Variants in TFEC observed in about 807,000 individuals in gnomAD.
TFEC encodes class E basic helix-loop-helix protein 34.
A neutral mutation model predicts 41.6 loss-of-function variants in TFEC; 31 were observed. The ratio of observed to expected loss-of-function variants is 0.74; its 90% CI spans 0.56 to 1.01. TFEC has a LOEUF of 1.01. Ranked by LOEUF, TFEC falls within the 50% of genes least tolerant of loss-of-function variation. The pLI, the probability that TFEC is intolerant of heterozygous loss-of-function variation, is 0.00. For missense variants in TFEC, 402 were observed against 404.1 expected (o/e 0.99, Z 0.04); for synonymous variants, 143 against 140.6 (o/e 1.02, Z -0.12).
intron 3 of TFEC, among the ~76,000 whole-genome samples, chr7:115,970,745 T>A (rs1793096634): frequency 6.6e-6 from 1 of 151,888 alleles, no homozygotes; most frequent in African/African-American, 2.4e-5. Context: ...TAAAAGAGCA[T>A]GGCAACTTCT....
intron 3 of TFEC, among the ~76,000 whole-genome samples, chr7:116,065,760 A>C (rs1179051939): frequency 3.9e-5 from 6 of 152,180 alleles, no homozygotes; most frequent in Admixed American, 3.3e-4. Flanking sequence ...AGAAGAATTT[A>C]TATCAAATAT....
chr7:115,988,164 A>C (rs2130699299), intron 1 of TFEC, among the ~76,000 whole-genome samples: 1 of 152,286 alleles, frequency 6.6e-6, no homozygotes. Context: ...CATCCTGCCT[A>C]TCAAAAAAAA....
chr7:116,137,783 A>G (rs1205725447), intron 1 of TFEC, among the ~76,000 whole-genome samples: 1 of 152,168 alleles, frequency 6.6e-6, no homozygotes, highest in Non-Finnish European at 1.5e-5. Flanking sequence ...AATTTATAAA[A>G]TTTGAACTAA....
intron 1 of TFEC, among the ~76,000 whole-genome samples, chr7:116,017,986 A>C (rs1241201252): frequency 1.2e-5 from 1 of 83,300 alleles, no homozygotes; most frequent in African/African-American, 3.9e-5. Context: ...GTGTTGGGCA[A>C]ATATTAGGTT....
intron 1 of TFEC, among the ~76,000 whole-genome samples, chr7:116,153,232 T>C (rs1407286053): frequency 3.3e-5 from 5 of 150,580 alleles, no homozygotes; most frequent in Non-Finnish European, 7.4e-5. Context: ...GGTGGCGATG[T>C]TGTGGGTGTT....
In TFEC at chr7:116,128,851, G is replaced by A. The variant is rs867275884; in HGVS notation, c.-68-16813C>T. ...GTACTTGAAGGTAAAGAAAAAAATA[G>A]AACAAATAGGGATTTTTAGAAAGTC... On this transcript the variant is annotated intron_variant, in intron 1 of 8. Coordinates refer to the TFEC transcript ENST00000484212. Among the ~76,000 whole-genome samples, 15 of 152,184 alleles carry A rather than the reference G, an allele frequency of 9.9e-5. 1 individual carries two copies. The highest frequency in any genetic ancestry group is 6.8e-3 in the Middle Eastern group (2 of 294).
intron 3 of TFEC, among the ~76,000 whole-genome samples, chr7:115,959,968 T>C (rs950601665): frequency 6.6e-6 from 1 of 151,476 alleles, no homozygotes; most frequent in Non-Finnish European, 1.5e-5. Context: ...TTTTAAGAAT[T>C]AATAGTAATC....
intron 3 of TFEC, among the ~76,000 whole-genome samples, chr7:116,070,366 AT>A (rs1418065719): frequency 3.3e-5 from 5 of 151,496 alleles, no homozygotes; most frequent in East Asian, 1.9e-4. Flanking sequence ...ATACCAAAAA[AT>A]GTCCCAAAAT....
chr7:116,001,022 T>A (rs1794573521), intron 1 of TFEC, among the ~76,000 whole-genome samples: 1 of 149,598 alleles, frequency 6.7e-6, no homozygotes. Flanking sequence ...AGAGCAAAAA[T>A]AACATACTGG....
chr7:115,954,504 T>C (rs559894080), intron 5 of TFEC, 82 bp downstream of exon 5: 109 of 1,127,822 alleles, frequency 9.7e-5, no homozygotes, highest in African/African-American at 3.5e-4. Flanking sequence ...AAAATACTTA[T>C]GGAGTATAAT....
chr7:115,962,040 A>G (rs549235424), intron 3 of TFEC, among the ~76,000 whole-genome samples: 4 of 151,854 alleles, frequency 2.6e-5, no homozygotes, highest in Admixed American at 6.6e-5. Context: ...TTGCATTTCT[A>G]CACATGAACC....
intron 3 of TFEC, among the ~76,000 whole-genome samples, chr7:116,060,902 G>A (rs1428766906): frequency 6.6e-6 from 1 of 151,910 alleles, no homozygotes; most frequent in Non-Finnish European, 1.5e-5. Context: ...TCAAGAATAA[G>A]TGTGACAAAA....
At chr7:116,127,496 C>T (rs1798238510) in intron 1 of TFEC, among the ~76,000 whole-genome samples, 1 of 151,968 alleles carries the variant, frequency 6.6e-6, no homozygotes, top group Admixed American at 6.6e-5. Flanking sequence ...ATTGTCTTTT[C>T]TCTGTTTCTA....
intron 1 of TFEC, among the ~76,000 whole-genome samples, chr7:116,148,538 T>C (rs189661933): frequency 1.3e-5 from 2 of 152,248 alleles, no homozygotes; most frequent in African/African-American, 4.8e-5. Flanking sequence ...GGATTCTGGA[T>C]TTATTTTGAG....
At chr7:116,042,741 A>G (rs1796069829) in intron 3 of TFEC, among the ~76,000 whole-genome samples, 1 of 152,204 alleles carries the variant, frequency 6.6e-6, no homozygotes, top group African/African-American at 2.4e-5. Context: ...ATGAATCAGA[A>G]TAAGTCAATA....
chr7:116,103,673 T>C (rs946109199), intron 3 of TFEC, among the ~76,000 whole-genome samples: 40 of 152,280 alleles, frequency 2.6e-4, no homozygotes, highest in Admixed American at 2.0e-4. Context: ...AGAGACACGG[T>C]TATTCATTCG....
At chr7:116,097,097 AAAAGAAAG>A (rs201731107) in intron 3 of TFEC, among the ~76,000 whole-genome samples, 1 of 150,934 alleles carries the variant, frequency 6.6e-6, no homozygotes, top group East Asian at 2.0e-4. Context: ...TCAAAAAAAA[AAAAGAAAG>A]AAAGAAAGAA....
chr7:116,135,816 T>G (rs763823023), intron 1 of TFEC, among the ~76,000 whole-genome samples: 39 of 152,114 alleles, frequency 2.6e-4, no homozygotes, highest in Non-Finnish European at 5.3e-4. Flanking sequence ...CTTATAGATA[T>G]AGTATGAGGA....
At chr7:116,042,195 C>G (rs1796053896) in intron 3 of TFEC, among the ~76,000 whole-genome samples, 1 of 152,094 alleles carries the variant, frequency 6.6e-6, no homozygotes. Context: ...CCCACAGTTA[C>G]CACTGAGAGT....
Sources: gnomAD v4.1 joint callset for allele counts (sites outside exome capture counted in the v4.1 genomes callset) on GRCh38, gnomAD v4.1.1 for gene constraint, MANE v1.5 for transcripts, NCBI Gene and HGNC (gene_info 2026-07-23, HGNC 2026-07-21) for gene names.